CHST9: variants seen among roughly 807,000 people sequenced by gnomAD.
CHST9 encodes the protein carbohydrate sulfotransferase 9.
A neutral mutation model predicts 44.4 loss-of-function variants in CHST9; 41 were observed. The ratio of observed to expected loss-of-function variants is 0.92; its 90% CI spans 0.72 to 1.20. CHST9 has a LOEUF of 1.20. Among genes scored for constraint, CHST9 ranks in the 50% most tolerant of loss-of-function variants. CHST9 has a pLI of 0.00. For missense variants in CHST9, 504 were observed against 516.5 expected (o/e 0.98, Z 0.23); for synonymous variants, 171 against 178.4 (o/e 0.96, Z 0.33).
At chr18:26,946,740 T>C (rs979129617) in intron 4 of CHST9, among the ~76,000 whole-genome samples, 4 of 152,232 alleles carry the variant, frequency 2.6e-5, no homozygotes, top group African/African-American at 9.6e-5. Flanking sequence ...TGCATATGGC[T>C]AGCCAGTTTT....
intron 4 of CHST9, among the ~76,000 whole-genome samples, chr18:26,971,363 TCAA>T (rs575259117): frequency 1.3e-3 from 198 of 152,354 alleles, no homozygotes; most frequent in African/African-American, 4.5e-3. Context: ...AGAAATTCAC[TCAA>T]CAAACACTTA....
chr18:26,932,981 A>G (rs1445551861), intron 5 of CHST9: 1 of 153,742 alleles, frequency 6.5e-6, no homozygotes, highest in Non-Finnish European at 1.5e-5. Context: ...TGGTTCCCCT[A>G]CCTTTATCCA....
intron 4 of CHST9, among the ~76,000 whole-genome samples, chr18:26,946,350 G>A (rs1317611589): frequency 1.3e-5 from 2 of 152,152 alleles, no homozygotes; most frequent in Non-Finnish European, 2.9e-5. Context: ...GGAAGAACAT[G>A]ACAAGGGCCA....
intron 5 of CHST9, among the ~76,000 whole-genome samples, chr18:26,922,756 C>T (rs1260742813): frequency 2.0e-5 from 3 of 152,118 alleles, no homozygotes; most frequent in Non-Finnish European, 4.4e-5. Context: ...CTGCCTCAGC[C>T]TCCTGGGTAG....
At chr18:27,163,212 A>C (rs2058762368) in intron 1 of CHST9, among the ~76,000 whole-genome samples, 1 of 152,206 alleles carries the variant, frequency 6.6e-6, no homozygotes, top group African/African-American at 2.4e-5. Flanking sequence ...GTGAGGTGTC[A>C]GTCTGCCCCT....
chr18:27,012,021 G>A (rs2057090914), intron 4 of CHST9, among the ~76,000 whole-genome samples: 1 of 152,160 alleles, frequency 6.6e-6, no homozygotes, highest in Non-Finnish European at 1.5e-5. Flanking sequence ...TTGTGCTTTG[G>A]TCCATGCAAG....
intron 4 of CHST9, among the ~76,000 whole-genome samples, chr18:27,008,765 T>C (rs2057047667): frequency 6.6e-6 from 1 of 152,156 alleles, no homozygotes; most frequent in African/African-American, 2.4e-5. Context: ...CTTTAGCACC[T>C]GCCACAGTGC....
intron 2 of CHST9, among the ~76,000 whole-genome samples, chr18:27,082,577 T>C (rs564015889): frequency 2.0e-5 from 3 of 152,294 alleles, no homozygotes; most frequent in East Asian, 3.9e-4. Context: ...AATTAATGAC[T>C]GAATTACACT....
intron 2 of CHST9, among the ~76,000 whole-genome samples, chr18:27,073,205 A>G (rs1055912048): frequency 6.6e-6 from 1 of 152,198 alleles, no homozygotes; most frequent in Non-Finnish European, 1.5e-5. Flanking sequence ...GCAAGGCCAC[A>G]GTGGCTTGGA....
chr18:27,170,443 T>C (rs2058825761), intron 1 of CHST9, among the ~76,000 whole-genome samples: 1 of 152,160 alleles, frequency 6.6e-6, no homozygotes, highest in Non-Finnish European at 1.5e-5. Context: ...GCCTGAGATA[T>C]TTGGTTGGTC....
Position 26,916,997 on chromosome 18 carries a change from A to G in CHST9, c.594T>C (p.His198=). ...AGATTCTGGATACTGTATGAAAAAG[A>G]TGTGACTGATGATGACTCACCCCAC... ...KYGGVSHHQS[H]LFHTVSRIYV... Residue 198 remains histidine, a synonymous_variant, in exon 6 of 6, where the codon CAT becomes CAC. Transcript: ENST00000618847. 1.2e-6 allele frequency: 2 copies of G among 1,613,948 alleles called. No individual in the cohort carries two copies. The highest frequency in any genetic ancestry group is 1.1e-5 in the South Asian group (1 of 91,076).
At chr18:27,151,385 C>T (rs183686861) in intron 1 of CHST9, among the ~76,000 whole-genome samples, 22 of 152,212 alleles carry the variant, frequency 1.4e-4, no homozygotes, top group East Asian at 5.8e-4. Context: ...TAACACCTCA[C>T]GTAAGCACAG....
chr18:27,048,390 T>C (rs754284025), intron 3 of CHST9, 75 bp downstream of exon 3: 186 of 1,126,032 alleles, frequency 1.7e-4, no homozygotes, highest in Middle Eastern at 7.8e-4. Flanking sequence ...AATTTTTGAA[T>C]AATAAATTTT....
At chr18:27,008,236 C>A (rs1017084938) in intron 4 of CHST9, among the ~76,000 whole-genome samples, 2 of 152,156 alleles carry the variant, frequency 1.3e-5, no homozygotes, top group African/African-American at 4.8e-5. Flanking sequence ...ATTAACTTCT[C>A]TGGAACATGA....
chr18:27,135,971 G>A (rs1183018666), intron 2 of CHST9, among the ~76,000 whole-genome samples: 1 of 152,112 alleles, frequency 6.6e-6, no homozygotes, highest in Non-Finnish European at 1.5e-5. Context: ...TGGATCAGGG[G>A]TTCTCAAAAT....
chr18:27,091,456 G>T (rs1282533895), intron 2 of CHST9, among the ~76,000 whole-genome samples: 2 of 152,076 alleles, frequency 1.3e-5, no homozygotes, highest in African/African-American at 4.8e-5. Context: ...TTGCCTGATT[G>T]CCCTGGCCAG....
intron 2 of CHST9, among the ~76,000 whole-genome samples, chr18:27,120,280 A>T (rs1199999705): frequency 1.3e-5 from 2 of 152,208 alleles, no homozygotes; most frequent in Non-Finnish European, 2.9e-5. Flanking sequence ...GTACGTTACC[A>T]CTTATCCTCT....
chr18:26,952,355 C>T (rs947932748), intron 4 of CHST9: 7 of 488,698 alleles, frequency 1.4e-5, no homozygotes, highest in African/African-American at 1.2e-4. Flanking sequence ...GGTAGGACTC[C>T]TGGGCAATTG....
At chr18:27,111,454 A>G (rs1222133847) in intron 2 of CHST9, among the ~76,000 whole-genome samples, 1 of 152,248 alleles carries the variant, frequency 6.6e-6, no homozygotes, top group East Asian at 1.9e-4. Flanking sequence ...TAGGCCAGTC[A>G]GGGCAGAACT....
Sources: allele counts gnomAD v4.1 joint callset (sites outside exome capture counted in the v4.1 genomes callset), GRCh38; gene constraint gnomAD v4.1.1; transcripts MANE v1.5; gene names NCBI Gene and HGNC (gene_info 2026-07-23, HGNC 2026-07-21).